TRPM7: variants seen among roughly 807,000 people sequenced by gnomAD.
TRPM7 encodes transient receptor potential cation channel subfamily M member 7, also known as LTRPC ion channel family member 7.
Under a neutral mutation model 229.7 loss-of-function variants are expected in TRPM7, and 134 were observed. The ratio of observed to expected loss-of-function variants is 0.58; its 90% CI spans 0.51 to 0.67. The LOEUF (loss-of-function observed/expected upper bound fraction) is 0.67, where lower values mean the gene tolerates loss of function less well. Among genes scored for constraint, TRPM7 ranks in the 30% least tolerant of loss-of-function variants. The pLI is 0.00. For missense variants in TRPM7, 1,901 were observed against 2,210.0 expected (o/e 0.86, Z 2.80); for synonymous variants, 699 against 715.2 (o/e 0.98, Z 0.36).
chr15:50,639,439 A>T lies in TRPM7; in HGVS notation c.645T>A (p.Asp215Glu), dbSNP rs368824769. 1.2e-6 allele frequency: 2 copies of T among 1,600,512 alleles called. No individual in the cohort carries two copies. The highest frequency in any genetic ancestry group is 1.1e-5 in the South Asian group (1 of 87,794). ...TAATTCTTACATCTCTCCCAACAAG[A>T]TCATTTCTGTTTTCAATCACTCCCC... is the stretch of plus-strand genomic sequence containing the variant. ...APWGVIENRNDLVGRDVVAPY... is the reference protein window; with the variant it reads ...APWGVIENRNELVGRDVVAPY... The change falls in exon 6 of 39, where the codon GAT becomes GAA. Residue 215 changes from aspartate to glutamate, a missense_variant. This residue lies in a region of TRPM7 where 794 missense variants were observed against 881.9 expected (regional missense o/e 0.90). Coordinates refer to ENST00000646667, the MANE Select transcript of TRPM7 (RefSeq NM_017672.6).
intron 3 of TRPM7, among the ~76,000 whole-genome samples, chr15:50,655,280 A>G (rs1276914312): frequency 6.6e-6 from 1 of 151,766 alleles, no homozygotes; most frequent in Non-Finnish European, 1.5e-5. Context: ...CTAATAATAC[A>G]AAATGAGCCA....
At chr15:50,627,885 T>C (rs1391712318) in intron 11 of TRPM7, among the ~76,000 whole-genome samples, 1 of 152,234 alleles carries the variant, frequency 6.6e-6, no homozygotes, top group Non-Finnish European at 1.5e-5. Context: ...GAATGGACTC[T>C]CTGGTATACA....
intron 28 of TRPM7, among the ~76,000 whole-genome samples, chr15:50,585,050 A>ATTTTTTTTTTT (rs755433337): frequency 1.4e-3 from 130 of 94,984 alleles, no homozygotes; most frequent in Non-Finnish European, 1.6e-3. Flanking sequence ...TAATTTTTGT[A>ATTTTTTTTTTT]TTTTTTTTTT....
intron 38 of TRPM7, among the ~76,000 whole-genome samples, chr15:50,566,906 G>T (rs1333988552): frequency 6.6e-6 from 1 of 151,866 alleles, no homozygotes; most frequent in Non-Finnish European, 1.5e-5. Flanking sequence ...TAAACCTCTA[G>T]CCAGGCTGAT....
rs57738243 is a variant in TRPM7, at chr15:50,679,540, T to A, written c.3+6991A>T. On this transcript the variant is annotated intron_variant, in intron 1 of 38. Coordinates refer to ENST00000646667, the MANE Select transcript of TRPM7 (RefSeq NM_017672.6). Reference sequence around the variant, plus strand: ...TATATATATATATATATATATATATTTTTTTTTTTTTTTGAGACAGAGTCT... The same window carrying A: ...TATATATATATATATATATATATATATTTTTTTTTTTTTGAGACAGAGTCT... Among the ~76,000 whole-genome samples, 91 of 49,454 alleles carry A rather than the reference T, an allele frequency of 1.8e-3. 1 individual carries two copies. The highest frequency in any genetic ancestry group is 4.6e-3 in the East Asian group (6 of 1,294). The allele number at this position is 49,454 out of a possible 152,430, so 32.4% of individuals were successfully genotyped here. A position where few individuals can be genotyped will look rare whatever the true frequency, so the allele number is the denominator to read the frequency against.
At chr15:50,660,161 T>C (rs554984961) in intron 2 of TRPM7, among the ~76,000 whole-genome samples, 4 of 152,176 alleles carry the variant, frequency 2.6e-5, no homozygotes, top group Admixed American at 6.6e-5. Flanking sequence ...AACATATCTT[T>C]AACAAGTAGT....
rs1466405396 is a variant in TRPM7 at position 50,557,422 on chromosome 15, TACTA to T, written c.*4252_*4255del. The T allele has an allele frequency of 6.6e-6, 1 of 152,186 alleles. No individual in the cohort carries two copies. Among genetic ancestry groups the T allele is most frequent in the African/African-American group, 2.4e-5 (1 of 41,466 alleles). 9.4% of individuals were successfully genotyped at this position (152,186 alleles called of 1,614,324 possible). ...TAATCTAGTGGGGTAGACTGCTAGC[TACTA>T]ACTATGAAAACAACATAGTCTGACT... On this transcript the variant is annotated 3_prime_UTR_variant, in exon 39 of 39. Coordinates refer to ENST00000646667, the MANE Select transcript of TRPM7 (RefSeq NM_017672.6).
At chr15:50,647,136 T>A (rs1308234015) in intron 4 of TRPM7, among the ~76,000 whole-genome samples, 3 of 152,158 alleles carry the variant, frequency 2.0e-5, no homozygotes, top group African/African-American at 7.2e-5. Context: ...ATTATAGTAT[T>A]CTTTTTCTTT....
intron 30 of TRPM7, 126 bp downstream of exon 30, chr15:50,580,748 G>T (rs972777823): frequency 1.3e-6 from 1 of 759,490 alleles, no homozygotes; most frequent in African/African-American, 1.8e-5. Context: ...GAAGAGAGGA[G>T]ATGCTAGAAT....
At chr15:50,581,247 C>T (rs2054394000) in intron 29 of TRPM7, among the ~76,000 whole-genome samples, 1 of 151,816 alleles carries the variant, frequency 6.6e-6, no homozygotes, top group Non-Finnish European at 1.5e-5. Flanking sequence ...ACCTATAATC[C>T]CAGCACTTTG....
At chr15:50,629,608 T>C (rs1466505387) in intron 10 of TRPM7, among the ~76,000 whole-genome samples, 1 of 152,148 alleles carries the variant, frequency 6.6e-6, no homozygotes, top group Non-Finnish European at 1.5e-5. Flanking sequence ...AATTATCTAT[T>C]ACATAAGTTC....
intron 4 of TRPM7, among the ~76,000 whole-genome samples, chr15:50,644,779 A>G (rs895097986): frequency 4.0e-5 from 6 of 149,604 alleles, no homozygotes; most frequent in Admixed American, 1.3e-4. Flanking sequence ...GCTGGGCAAC[A>G]AGAGCGAAAC....
chr15:50,640,742 A>G (rs1364408783), intron 5 of TRPM7, among the ~76,000 whole-genome samples: 1 of 152,164 alleles, frequency 6.6e-6, no homozygotes, highest in Non-Finnish European at 1.5e-5. Context: ...TTAATTTAAA[A>G]TAAGGCCTCT....
intron 12 of TRPM7, 46 bp downstream of exon 12, chr15:50,624,120 C>T: frequency 1.3e-6 from 2 of 1,547,746 alleles, no homozygotes; most frequent in Non-Finnish European, 1.7e-6. Flanking sequence ...GTAACATTTC[C>T]CAAAAGATAA....
intron 4 of TRPM7, among the ~76,000 whole-genome samples, chr15:50,644,109 C>T (rs2140789600): frequency 6.6e-6 from 1 of 152,206 alleles, no homozygotes; most frequent in South Asian, 2.1e-4. Context: ...ATTTTCTTCA[C>T]TGTAAATAAC....
chr15:50,573,159 A>G (rs1413335870), intron 36 of TRPM7, among the ~76,000 whole-genome samples: 5 of 152,126 alleles, frequency 3.3e-5, no homozygotes, highest in Non-Finnish European at 5.9e-5. Flanking sequence ...CTATAGATGC[A>G]TATCGTTCTA....
intron 3 of TRPM7, among the ~76,000 whole-genome samples, chr15:50,652,776 A>G (rs1435620871): frequency 6.6e-6 from 1 of 152,270 alleles, no homozygotes; most frequent in Admixed American, 6.6e-5. Context: ...TGAGGTGGGA[A>G]GACTGCTTGA....
At chr15:50,581,877 CT>C (rs957659677) in intron 29 of TRPM7, among the ~76,000 whole-genome samples, 82 of 146,944 alleles carry the variant, frequency 5.6e-4, no homozygotes, top group South Asian at 6.5e-4. Context: ...TGTAGTTTAT[CT>C]TTTTTTTTTT....
chr15:50,674,279 A>G (rs934027243), intron 1 of TRPM7, among the ~76,000 whole-genome samples: 1 of 151,788 alleles, frequency 6.6e-6, no homozygotes, highest in Non-Finnish European at 1.5e-5. Context: ...GTGAGCCACC[A>G]TGCCCAGAAG....
Sources: allele counts gnomAD v4.1 joint callset (sites outside exome capture counted in the v4.1 genomes callset), GRCh38; gene constraint gnomAD v4.1.1; regional missense constraint gnomAD v4.1.1; transcripts MANE v1.5; gene names NCBI Gene and HGNC (gene_info 2026-07-23, HGNC 2026-07-21).